Variants in PIGU observed in about 807,000 individuals in gnomAD.
PIGU encodes the protein GPI-anchor transamidase component PIGU.
Under a neutral mutation model 49.9 loss-of-function variants are expected in PIGU, and 24 were observed. The observed-to-expected ratio is 0.48, with a 90% confidence interval of 0.35 to 0.68. PIGU has a LOEUF of 0.68. PIGU is among the 30% of genes least tolerant of loss of function. PIGU has a pLI of 0.01. For synonymous variants in PIGU, 220 were observed against 205.7 expected (o/e 1.07, Z -0.59); for missense variants, 490 against 532.6 (o/e 0.92, Z 0.79).
chr20:34,668,355 G>A (rs567210397), intron 1 of PIGU, among the ~76,000 whole-genome samples: 27 of 151,166 alleles, frequency 1.8e-4, no homozygotes, highest in Admixed American at 1.7e-3. Context: ...CCAGCTACTC[G>A]GGAGGCTAAG....
At chr20:34,674,947 G>C (rs1366821007) in intron 1 of PIGU, among the ~76,000 whole-genome samples, 1 of 127,922 alleles carries the variant, frequency 7.8e-6, no homozygotes, top group Non-Finnish European at 1.6e-5. Context: ...GTCTCTTGAA[G>C]AAAAAAAAAA....
intron 6 of PIGU, among the ~76,000 whole-genome samples, chr20:34,624,353 T>G (rs1985371661): frequency 2.6e-5 from 4 of 152,234 alleles, no homozygotes; most frequent in African/African-American, 9.7e-5. Context: ...TTAAGTGACT[T>G]GCCCAAGGTG....
intron 2 of PIGU, among the ~76,000 whole-genome samples, chr20:34,656,781 C>G (rs1220920531): frequency 6.7e-6 from 1 of 148,872 alleles, no homozygotes; most frequent in Non-Finnish European, 1.5e-5. Context: ...AAAAAAAAAG[C>G]TAATTTTATG....
chr20:34,617,113 G>A (rs116174252), intron 6 of PIGU, among the ~76,000 whole-genome samples: 15 of 152,332 alleles, frequency 9.8e-5, no homozygotes, highest in Middle Eastern at 3.4e-3. Flanking sequence ...TTGCAGTAGG[G>A]GGCGGAGCCC....
intron 11 of PIGU, among the ~76,000 whole-genome samples, chr20:34,573,723 A>T (rs1351286362): frequency 6.6e-6 from 1 of 152,250 alleles, no homozygotes; most frequent in Admixed American, 6.5e-5. Flanking sequence ...TATGCAATTG[A>T]GCCCTGCAGA....
chr20:34,585,474 C>G lies in PIGU; in HGVS notation c.889G>C (p.Val297Leu). 6.2e-7 allele frequency: 1 copy of G among 1,614,054 alleles called. No homozygotes were observed. Reference protein sequence around the residue: ...LFFVCVFQINVFFYTIPLAIK... With the variant: ...LFFVCVFQINLFFYTIPLAIK... ...GCTAAGGGGATGGTGTAGAAGAAGACGTTGATCTGAAACACACATACAAAG... is the reference window on the plus strand; with the variant it reads ...GCTAAGGGGATGGTGTAGAAGAAGAGGTTGATCTGAAACACACATACAAAG... Residue 297 changes from valine (V) to leucine (L), a missense_variant, in exon 9 of 12, where the codon GTC (valine) becomes CTC (leucine). Transcript: ENST00000217446.
chr20:34,612,117 C>T (rs1984837712), intron 7 of PIGU, among the ~76,000 whole-genome samples: 1 of 152,098 alleles, frequency 6.6e-6, no homozygotes, highest in African/African-American at 2.4e-5. Flanking sequence ...CCCAAATGCC[C>T]AGCAATGAGA....
In PIGU at chr20:34,660,048, T is replaced by TAA. The variant is rs1555803430; in HGVS notation, c.131-2806_131-2805dup. The stretch of plus-strand genomic sequence containing the variant: ...GCGAGAAACACCCAAGAATGATCAA[T>TAA]AAAAAAAAAAAAAAAAAAAAGAACA... On this transcript the variant is annotated intron_variant, in intron 1 of 11. Coordinates refer to ENST00000217446, the MANE Select transcript of PIGU (RefSeq NM_080476.5). 8.6e-3 allele frequency among the ~76,000 whole-genome samples: 357 copies of TAA among 41,408 alleles called. 4 individuals carry two copies. The highest frequency in any genetic ancestry group is 0.026 in the African/African-American group (335 of 13,070). The allele number at this position is 41,408 out of a possible 152,430, so 27.2% of individuals were successfully genotyped here.
rs1171497892 is a variant in PIGU at position 34,665,192 on chromosome 20, A to ATTTTTTTTTTTTT, written c.131-7961_131-7949dup. On this transcript the variant is annotated intron_variant, in intron 1 of 11. Coordinates refer to ENST00000217446, the MANE Select transcript of PIGU (RefSeq NM_080476.5). The stretch of plus-strand genomic sequence containing the variant: ...AGATGCACACCACCATGTATGGCCA[A>ATTTTTTTTTTTTT]TTTTTTTTTTTTTTTTTTTTTTTTT... Among the ~76,000 whole-genome samples, 4 of 59,612 alleles carry ATTTTTTTTTTTTT rather than the reference A, an allele frequency of 6.7e-5. 1 individual carries two copies. The highest frequency in any genetic ancestry group is 2.2e-4 in the African/African-American group (3 of 13,408). 39.1% of individuals were successfully genotyped at this position (59,612 alleles called of 152,430 possible).
intron 4 of PIGU, among the ~76,000 whole-genome samples, chr20:34,638,500 A>C (rs1384232154): frequency 1.3e-5 from 2 of 152,348 alleles, no homozygotes; most frequent in Non-Finnish European, 2.9e-5. Context: ...GACAAACAAT[A>C]AATATCTGTT....
intron 11 of PIGU, among the ~76,000 whole-genome samples, chr20:34,565,745 AC>A (rs2146689930): frequency 6.6e-6 from 1 of 151,878 alleles, no homozygotes; most frequent in Admixed American, 6.6e-5. Context: ...AGGTGCACAC[AC>A]ACGCACACTC....
chr20:34,577,310 C>G (rs1010440531), intron 10 of PIGU, among the ~76,000 whole-genome samples: 1 of 152,090 alleles, frequency 6.6e-6, no homozygotes, highest in Non-Finnish European at 1.5e-5. Flanking sequence ...GAGAAACTCC[C>G]AAACATTTAG....
chr20:34,673,760 A>T (rs1022456910), intron 1 of PIGU, among the ~76,000 whole-genome samples: 3 of 152,234 alleles, frequency 2.0e-5, no homozygotes, highest in African/African-American at 7.2e-5. Flanking sequence ...TGACGTTAGA[A>T]TTCATACAGC....
intron 5 of PIGU, among the ~76,000 whole-genome samples, chr20:34,635,485 G>A (rs540134118): frequency 1.3e-5 from 2 of 152,316 alleles, no homozygotes; most frequent in Admixed American, 6.5e-5. Flanking sequence ...CTGAGAAAAT[G>A]AATTCAAAAT....
At position 34,585,552 on chromosome 20, in the gene PIGU, T is replaced by C. The variant is rs758622474; in HGVS notation, c.811A>G (p.Ile271Val). 1.2e-6 allele frequency: 2 copies of C among 1,613,630 alleles called. No homozygotes were observed. Among genetic ancestry groups the C allele is most frequent in the Admixed American group, 1.7e-5 (1 of 59,996 alleles). The change falls in exon 9 of 12, where the codon ATT (isoleucine) becomes GTT (valine). Residue 271 changes from isoleucine to valine, a missense_variant. Coordinates refer to ENST00000217446, the MANE Select transcript of PIGU (RefSeq NM_080476.5). ...ILSVPDLTPN[I>V]GLFWYFFAEM... ...GCAAAGAAGTACCAGAAAAGACCAA[T>C]GTTTGGAGTGAGATCTGGAACAGAA...
At chr20:34,651,726 T>C (rs1411552350) in intron 2 of PIGU, among the ~76,000 whole-genome samples, 2 of 152,106 alleles carry the variant, frequency 1.3e-5, no homozygotes, top group African/African-American at 4.8e-5. Context: ...TCCTATAACA[T>C]TGAGAGGTTA....
chr20:34,618,069 G>A (rs138479403), intron 6 of PIGU, among the ~76,000 whole-genome samples: 5 of 151,894 alleles, frequency 3.3e-5, no homozygotes, highest in East Asian at 1.9e-4. Flanking sequence ...TCTTTCTTTC[G>A]TAAATTGCCC....
chr20:34,639,739 A>G lies in PIGU; in HGVS notation c.319-1754T>C, dbSNP rs1448201416. Among the ~76,000 whole-genome samples the G allele has an allele frequency of 3.9e-5, 6 of 152,220 alleles. No individual in the cohort carries two copies. The East Asian group carries it at 9.6e-4, about 24-fold the overall frequency. ...GAGGCTTAATCTGAAAACCTGCAAC[A>G]AACTTCAAAAACCTCCCTTTGATCA... is the stretch of plus-strand genomic sequence containing the variant. On this transcript the variant is annotated intron_variant, in intron 4 of 11. Transcript: ENST00000217446.
chr20:34,600,421 A>G (rs1221566750), intron 7 of PIGU, among the ~76,000 whole-genome samples: 9 of 151,976 alleles, frequency 5.9e-5, no homozygotes, highest in Admixed American at 5.2e-4. Context: ...GAAGAGAGAA[A>G]AGAAAAGAAA....
Sources: gnomAD v4.1 joint callset for allele counts (sites outside exome capture counted in the v4.1 genomes callset) on GRCh38, gnomAD v4.1.1 for gene constraint, MANE v1.5 for transcripts, NCBI Gene and HGNC (gene_info 2026-07-23, HGNC 2026-07-21) for gene names.